Variants in TRIM34 observed in about 807,000 individuals in gnomAD.
TRIM34 encodes the protein E3 ubiquitin-protein ligase TRIM34.
Under a neutral mutation model 38.1 loss-of-function variants are expected in TRIM34, and 41 were observed. The observed-to-expected ratio is 1.08, with a 90% confidence interval of 0.84 to 1.40. TRIM34 has a LOEUF of 1.40. TRIM34 is among the 40% of genes most tolerant of loss of function. The pLI, the probability that TRIM34 is intolerant of heterozygous loss-of-function variation, is 0.00. For missense variants in TRIM34, 556 were observed against 571.4 expected, an observed-to-expected ratio of 0.97 and a Z score of 0.27; for synonymous variants, 200 against 202.5, an observed-to-expected ratio of 0.99 and a Z score of 0.10.
rs1564892474 is a variant in TRIM34 at position 5,644,169 on chromosome 11, G to A, written c.*460G>A. ...AAGGAGAGGAAAATATGAGCAATAT[G>A]TGTATTCAGAGTGAAGATTTTATGT... is the stretch of plus-strand genomic sequence containing the variant. On this transcript the variant is annotated 3_prime_UTR_variant, in exon 8 of 8. Coordinates refer to ENST00000429814, the MANE Select transcript of TRIM34 (RefSeq NM_021616.6). The A allele has an allele frequency of 2.5e-6, 1 of 399,814 alleles. No homozygotes were observed. Among genetic ancestry groups the A allele is most frequent in the East Asian group, 3.6e-5 (1 of 28,086 alleles). The allele number at this position is 399,814 out of a possible 1,614,324, so 24.8% of individuals were successfully genotyped here.
chr11:5,622,247 C>G (rs1016813403), upstream of TRIM34, among the ~76,000 whole-genome samples: 8 of 152,076 alleles, frequency 5.3e-5, no homozygotes, highest in African/African-American at 1.7e-4. Context: ...AGTTTGAGAC[C>G]ATCCTGGCCA....
intron 4 of TRIM34, among the ~76,000 whole-genome samples, chr11:5,637,043 G>A (rs1475151042): frequency 6.6e-6 from 1 of 152,192 alleles, no homozygotes; most frequent in East Asian, 1.9e-4. Context: ...GGTGATGGCG[G>A]CTGCCTGTAG....
chr11:5,641,241 T>C (rs1242824466), intron 5 of TRIM34, 52 bp downstream of exon 5: 2 of 1,612,996 alleles, frequency 1.2e-6, no homozygotes, highest in Non-Finnish European at 1.7e-6. Flanking sequence ...GAAGTGTTTG[T>C]AGCTATTAGA....
At chr11:5,628,858 T>C (rs1849358645) in intron 1 of TRIM34, among the ~76,000 whole-genome samples, 1 of 152,004 alleles carries the variant, frequency 6.6e-6, no homozygotes, top group Non-Finnish European at 1.5e-5. Context: ...TCCTCTCTCC[T>C]AGCTTCTGGT....
At position 5,642,469 on chromosome 11, in the gene TRIM34, T is replaced by C. The variant is rs111788968; in HGVS notation, c.837T>C (p.His279=). 12 of 1,613,854 alleles carry C rather than the reference T, an allele frequency of 7.4e-6. No homozygotes were observed. The highest frequency in any genetic ancestry group is 5.3e-5 in the African/African-American group (4 of 74,894). ...CCAAGAAACTGAAGACTGTATTCCA[T>C]GCTCCAGATCTGAGTAGGATGCTGC... ...MVSKKLKTVF[H]APDLSRMLQM... is the part of the protein sequence containing the mutation. Residue 279 remains histidine (H), a synonymous_variant, in exon 6 of 8, where the codon CAT becomes CAC. Coordinates refer to ENST00000429814, the MANE Select transcript of TRIM34 (RefSeq NM_021616.6).
At chr11:5,630,398 A>C (rs1293314119) in intron 1 of TRIM34, among the ~76,000 whole-genome samples, 1 of 151,836 alleles carries the variant, frequency 6.6e-6, no homozygotes, top group Non-Finnish European at 1.5e-5. Flanking sequence ...GCATCCTCCC[A>C]TCCCTGCCCC....
intron 1 of TRIM34, among the ~76,000 whole-genome samples, chr11:5,625,499 G>T (rs764180203): frequency 2.0e-5 from 3 of 152,094 alleles, no homozygotes; most frequent in Non-Finnish European, 2.9e-5. Context: ...TGTGTGCAGG[G>T]CTTAGCTCCT....
In TRIM34 at chr11:5,625,040, G is replaced by A. The variant is rs1464521708; in HGVS notation, c.-98G>A. 3 of 152,348 alleles carry A rather than the reference G, an allele frequency of 2.0e-5. No homozygotes were observed. Among genetic ancestry groups the A allele is most frequent in the Non-Finnish European group, 2.9e-5 (2 of 68,158 alleles). 9.4% of individuals were successfully genotyped at this position (152,348 alleles called of 1,614,324 possible). On this transcript the variant is annotated 5_prime_UTR_variant, in exon 1 of 8. Coordinates refer to ENST00000429814, the MANE Select transcript of TRIM34 (RefSeq NM_021616.6). The stretch of plus-strand genomic sequence containing the variant: ...TTCTTCACCTCTTCAACCAGGAGCC[G>A]AGATTTCTGTTGCTCTGAAGGTGTG...
rs371231544 is a variant in TRIM34 at position 5,628,548 on chromosome 11, A to G, written c.-78+3488A>G. Among the ~76,000 whole-genome samples the G allele has an allele frequency of 2.9e-4, 44 of 152,312 alleles. No individual in the cohort carries two copies. The East Asian group carries it at 7.5e-3, about 26-fold the overall frequency. ...CCTTAAGGTCTTTTGATGGATGGTT[A>G]GAGGAGTAGACAGGTCTCGAGGCCT... On this transcript the variant is annotated intron_variant, in intron 1 of 7. Coordinates refer to ENST00000429814, the MANE Select transcript of TRIM34 (RefSeq NM_021616.6).
chr11:5,624,061 A>G (rs886605382), upstream of TRIM34, among the ~76,000 whole-genome samples: 2 of 152,190 alleles, frequency 1.3e-5, no homozygotes, highest in East Asian at 3.9e-4. Flanking sequence ...CCTGTGACCA[A>G]ACGAGTGGCA....
intron 3 of TRIM34, 112 bp downstream of exon 3, chr11:5,634,011 A>C: frequency 8.8e-7 from 1 of 1,137,818 alleles, no homozygotes; most frequent in Non-Finnish European, 1.2e-6. Flanking sequence ...AAGCCATTTG[A>C]TTAGTTCTCT....
At chr11:5,626,175 A>T (rs1410643795) in intron 1 of TRIM34, among the ~76,000 whole-genome samples, 1 of 152,216 alleles carries the variant, frequency 6.6e-6, no homozygotes, top group Non-Finnish European at 1.5e-5. Context: ...CAGGCACAAG[A>T]CCCAACATAT....
chr11:5,634,116 T>C (rs754719043), intron 3 of TRIM34, among the ~76,000 whole-genome samples: 3 of 152,200 alleles, frequency 2.0e-5, no homozygotes, highest in Non-Finnish European at 2.9e-5. Flanking sequence ...ATAGACTCTA[T>C]GATGAGGAAG....
At chr11:5,630,077 G>A (rs1469780163) in intron 1 of TRIM34, among the ~76,000 whole-genome samples, 2 of 152,148 alleles carry the variant, frequency 1.3e-5, no homozygotes, top group African/African-American at 2.4e-5. Flanking sequence ...CGTAGCTTAG[G>A]TAAATCTTAC....
At chr11:5,627,027 C>T (rs890115650) in intron 1 of TRIM34, among the ~76,000 whole-genome samples, 1 of 152,070 alleles carries the variant, frequency 6.6e-6, no homozygotes, top group Non-Finnish European at 1.5e-5. Flanking sequence ...TTGACATCTG[C>T]TTTAAGGTGA....
At chr11:5,629,659 T>C (rs899392370) in intron 1 of TRIM34, among the ~76,000 whole-genome samples, 11 of 152,194 alleles carry the variant, frequency 7.2e-5, no homozygotes, top group Non-Finnish European at 5.9e-5. Flanking sequence ...ACAGGAGATA[T>C]AGCATGCAGA....
chr11:5,642,444 C>G lies in TRIM34; in HGVS notation c.812C>G (p.Ser271Cys), dbSNP rs772283769. The G allele has an allele frequency of 1.2e-6, 2 of 1,613,726 alleles. No homozygotes were observed. Among genetic ancestry groups the G allele is most frequent in the Middle Eastern group, 1.7e-4 (1 of 5,818 alleles). ...IWRLKKPKMV[S>C]KKLKTVFHAP... Reference sequence around the variant, plus strand: ...AGGCTGAAAAAGCCAAAAATGGTTTCCAAGAAACTGAAGACTGTATTCCAT... The same window carrying G: ...AGGCTGAAAAAGCCAAAAATGGTTTGCAAGAAACTGAAGACTGTATTCCAT... The change falls in exon 6 of 8, where the codon TCC (serine) becomes TGC (cysteine). Residue 271 changes from serine to cysteine, a missense_variant. Ser to Cys is a moderately radical substitution (Grantham distance 112). Transcript: ENST00000429814.
At position 5,643,697 on chromosome 11, in the gene TRIM34, A is replaced by T; in HGVS notation, c.1455A>T (p.Pro485=). ...WNCPAPMTLC[P]PSS ...GTCCAGCTCCCATGACTCTATGCCC[A>T]CCAAGCTCTTGAATTTTCTCATTTC... The change falls in exon 8 of 8, where the codon CCA becomes CCT. Residue 485 remains proline, a synonymous_variant. Coordinates refer to ENST00000429814, the MANE Select transcript of TRIM34 (RefSeq NM_021616.6). 6.3e-7 allele frequency: 1 copy of T among 1,581,680 alleles called. No individual in the cohort carries two copies. Among genetic ancestry groups the T allele is most frequent in the Non-Finnish European group, 8.6e-7 (1 of 1,168,436 alleles).
chr11:5,632,171 G>T, intron 1 of TRIM34, 84 bp from the exon 2 acceptor site: 5 of 1,502,162 alleles, frequency 3.3e-6, no homozygotes, highest in Non-Finnish European at 4.4e-6. Flanking sequence ...TGATATTGCA[G>T]TCTCGGCCAG....
Sources: gnomAD v4.1 joint callset for allele counts (sites outside exome capture counted in the v4.1 genomes callset) on GRCh38, gnomAD v4.1.1 for gene constraint, MANE v1.5 for transcripts, NCBI Gene and HGNC (gene_info 2026-07-23, HGNC 2026-07-21) for gene names.